DPP6: variants seen among roughly 807,000 people sequenced by gnomAD.
DPP6 encodes the protein dipeptidyl peptidase like 6, also known as A-type potassium channel modulatory protein DPP6.
Under a neutral mutation model 122.6 loss-of-function variants are expected in DPP6, and 69 were observed. The ratio of observed to expected loss-of-function variants is 0.56; its 90% CI spans 0.46 to 0.69. The LOEUF (loss-of-function observed/expected upper bound fraction) is 0.69, where lower values mean the gene tolerates loss of function less well. Among genes scored for constraint, DPP6 ranks in the 30% least tolerant of loss-of-function variants. The pLI, the probability that DPP6 is intolerant of heterozygous loss-of-function variation, is 0.00. For missense variants in DPP6, 928 were observed against 1,116.9 expected (o/e 0.83, Z 2.41); for synonymous variants, 418 against 433.1 (o/e 0.97, Z 0.43).
chr7:153,880,295 T>C, the DPP6 span, among the ~76,000 whole-genome samples: 1 of 152,222 alleles, frequency 6.6e-6, no homozygotes, highest in Non-Finnish European at 1.5e-5. Flanking sequence ...ATACTGTGCT[T>C]CACTGATTCT....
At chr7:154,127,765 C>T (rs1340198067) in intron 1 of DPP6, among the ~76,000 whole-genome samples, 1 of 152,080 alleles carries the variant, frequency 6.6e-6, no homozygotes, top group Non-Finnish European at 1.5e-5. Flanking sequence ...TGTTTCTGTC[C>T]AAGAATGAAG....
chr7:153,791,424 CTTTTTTTT>C, the DPP6 span, among the ~76,000 whole-genome samples: 1 of 91,630 alleles, frequency 1.1e-5, no homozygotes, highest in Non-Finnish European at 2.0e-5. Flanking sequence ...TCCTTCCTTT[CTTTTTTTT>C]TTTTTTCAGA....
intron 1 of DPP6, among the ~76,000 whole-genome samples, chr7:154,010,517 A>C (rs1450739264): frequency 6.6e-6 from 1 of 152,226 alleles, no homozygotes; most frequent in Non-Finnish European, 1.5e-5. Context: ...TGAATTAATG[A>C]GCTCATCTAC....
At chr7:154,491,973 AG>A (rs1381765609) in intron 3 of DPP6, among the ~76,000 whole-genome samples, 1 of 152,202 alleles carries the variant, frequency 6.6e-6, no homozygotes, top group Non-Finnish European at 1.5e-5. Context: ...TTACCAAAAA[AG>A]ACTAAGATCT....
the DPP6 span, among the ~76,000 whole-genome samples, chr7:153,825,479 C>G: frequency 6.6e-6 from 1 of 152,136 alleles, no homozygotes; most frequent in Non-Finnish European, 1.5e-5. Context: ...TGATGACAGT[C>G]GGTTATCTTC....
At chr7:154,086,555 A>C (rs1262903252) in intron 1 of DPP6, among the ~76,000 whole-genome samples, 1 of 150,328 alleles carries the variant, frequency 6.7e-6, no homozygotes, top group African/African-American at 2.4e-5. Flanking sequence ...GTTTCTGAGC[A>C]TGGACCAGTT....
intron 3 of DPP6, among the ~76,000 whole-genome samples, chr7:154,479,450 C>G (rs891025124): frequency 6.7e-6 from 1 of 149,932 alleles, no homozygotes; most frequent in South Asian, 2.1e-4. Context: ...CCCAGCTACT[C>G]GGGAGGCTAA....
the DPP6 span, among the ~76,000 whole-genome samples, chr7:153,781,977 T>TACACACACACACACAC: frequency 1.7e-4 from 15 of 89,752 alleles, no homozygotes; most frequent in South Asian, 4.3e-4. Flanking sequence ...CCCCAGAGAA[T>TACACACACACACACAC]ACACACACAC....
At chr7:154,350,420 G>A (rs1399278881) in intron 1 of DPP6, among the ~76,000 whole-genome samples, 2 of 152,156 alleles carry the variant, frequency 1.3e-5, no homozygotes, top group South Asian at 4.1e-4. Context: ...CGCAAACCCA[G>A]CCTTCATGGA....
At chr7:153,950,420 G>A (rs1177749375) in intron 1 of DPP6, among the ~76,000 whole-genome samples, 1 of 152,128 alleles carries the variant, frequency 6.6e-6, no homozygotes, top group Admixed American at 6.5e-5. Context: ...TACGTTATGC[G>A]CCGGGAGTTT....
Position 154,584,886 on chromosome 7 carries a change from A to C in DPP6, c.627+17970A>C, listed in dbSNP as rs1009641661. ...TAAATGTCTTCCTGATTTCAATTTA[A>C]AAGCGTATCTTTATATAACATATAC... On this transcript the variant is annotated intron_variant, in intron 5 of 25. Coordinates refer to ENST00000377770, the MANE Select transcript of DPP6 (RefSeq NM_130797.4). Among the ~76,000 whole-genome samples the C allele has an allele frequency of 9.8e-5, 15 of 152,330 alleles. 1 individual carries two copies. Among genetic ancestry groups the C allele is most frequent in the Admixed American group, 5.9e-4 (9 of 15,310 alleles).
chr7:154,169,940 T>C (rs920718142), intron 1 of DPP6, among the ~76,000 whole-genome samples: 1 of 152,146 alleles, frequency 6.6e-6, no homozygotes, highest in Non-Finnish European at 1.5e-5. Context: ...GCCAGGCTGG[T>C]CTTGAACTCG....
rs1033867193 is a variant in DPP6 at position 154,061,732 on chromosome 7, G to T, written c.243+8669G>T. On this transcript the variant is annotated intron_variant, in intron 1 of 25. Transcript: ENST00000377770. ...GCAATCCCCGCGAGGCGGGGACTGC[G>T]AACCTCCCCCTTTCCTCCCCTGGCT... Among the ~76,000 whole-genome samples the T allele has an allele frequency of 5.2e-5, 4 of 76,798 alleles. No individual in the cohort carries two copies. The South Asian group carries it at 1.7e-3, about 33-fold the overall frequency. 50.4% of individuals were successfully genotyped at this position (76,798 alleles called of 152,430 possible). A position where few individuals can be genotyped will look rare whatever the true frequency, so the allele number is the denominator to read the frequency against.
intron 1 of DPP6, among the ~76,000 whole-genome samples, chr7:154,072,996 T>C (rs1048875404): frequency 2.6e-5 from 4 of 152,180 alleles, no homozygotes; most frequent in Non-Finnish European, 4.4e-5. Context: ...CTTAGCAGAA[T>C]CCAGGGTTCA....
At chr7:153,918,298 T>C (rs183317253) in intron 1 of DPP6, among the ~76,000 whole-genome samples, 1 of 152,292 alleles carries the variant, frequency 6.6e-6, no homozygotes, top group East Asian at 1.9e-4. Flanking sequence ...TATTCATTCC[T>C]TATTATTAGC....
intron 17 of DPP6, among the ~76,000 whole-genome samples, chr7:154,854,207 CT>C (rs1425725394): frequency 6.6e-6 from 1 of 152,164 alleles, no homozygotes; most frequent in African/African-American, 2.4e-5. Context: ...GCTCATCTGT[CT>C]TTGTGGGTCT....
intron 1 of DPP6, among the ~76,000 whole-genome samples, chr7:154,410,042 A>G (rs554002572): frequency 1.3e-5 from 2 of 152,258 alleles, no homozygotes; most frequent in Non-Finnish European, 2.9e-5. Context: ...TAATAAAAGA[A>G]GGAAGATATA....
intron 1 of DPP6, among the ~76,000 whole-genome samples, chr7:154,400,519 C>T (rs1261090474): frequency 6.6e-6 from 1 of 152,156 alleles, no homozygotes; most frequent in Admixed American, 6.5e-5. Flanking sequence ...TTAGCGGCTG[C>T]CCACCAGATG....
chr7:154,893,331 C>T lies in DPP6; in HGVS notation c.*851C>T, dbSNP rs1455314786. 5.0e-6 allele frequency: 1 copy of T among 199,336 alleles called. No homozygotes were observed. The highest frequency in any genetic ancestry group is 1.4e-4 in the East Asian group (1 of 6,958). The allele number at this position is 199,336 out of a possible 1,614,324, so 12.3% of individuals were successfully genotyped here. A position where few individuals can be genotyped will look rare whatever the true frequency, so the allele number is the denominator to read the frequency against. Reference sequence around the variant, plus strand: ...TAAAAGAAATACCTAAATAAAACCTCTCTCCCACTCAGCTATGCTAGGGCT... The same window carrying T: ...TAAAAGAAATACCTAAATAAAACCTTTCTCCCACTCAGCTATGCTAGGGCT... On this transcript the variant is annotated 3_prime_UTR_variant, in exon 26 of 26. Coordinates refer to ENST00000377770, the MANE Select transcript of DPP6 (RefSeq NM_130797.4).
Sources: gnomAD v4.1 joint callset for allele counts (sites outside exome capture counted in the v4.1 genomes callset) on GRCh38, gnomAD v4.1.1 for gene constraint, MANE v1.5 for transcripts, NCBI Gene and HGNC (gene_info 2026-07-23, HGNC 2026-07-21) for gene names.